Variants in DNA2 observed in about 807,000 individuals in gnomAD.
The protein encoded by DNA2 is DNA replication helicase/nuclease 2.
Under a neutral mutation model 119.1 loss-of-function variants are expected in DNA2, and 101 were observed. The ratio of observed to expected loss-of-function variants is 0.85; its 90% CI spans 0.72 to 1.00. DNA2 has a LOEUF of 1.00. Ranked by LOEUF, DNA2 falls within the 50% of genes least tolerant of loss-of-function variation. DNA2 has a pLI of 0.00. For missense variants in DNA2, 1,121 were observed against 1,255.5 expected (o/e 0.89, Z 1.62); for synonymous variants, 366 against 424.4 (o/e 0.86, Z 1.69).
intron 9 of DNA2, among the ~76,000 whole-genome samples, chr10:68,437,650 C>CAA (rs2051908290): frequency 2.8e-5 from 1 of 36,050 alleles, no homozygotes; most frequent in South Asian, 4.8e-4. Context: ...AACCACCTCT[C>CAA]AAAAACAAAA....
At position 68,436,827 on chromosome 10, in the gene DNA2, G is replaced by C. The variant is rs761448715; in HGVS notation, c.1646+184C>G. On this transcript the variant is annotated intron_variant, in intron 10 of 20. Coordinates refer to ENST00000358410, the MANE Select transcript of DNA2 (RefSeq NM_001080449.3). ...TGAAAAGTGACTACTAAAGGGTATA[G>C]GGCTTCTTCCTTGGGAGTTTCTTTT... 172 of 550,378 alleles carry C rather than the reference G, an allele frequency of 3.1e-4. 1 individual carries two copies. The highest frequency in any genetic ancestry group is 5.0e-4 in the Non-Finnish European group (159 of 317,736). The allele number at this position is 550,378 out of a possible 1,614,324, so 34.1% of individuals were successfully genotyped here. A position where few individuals can be genotyped will look rare whatever the true frequency, so the allele number is the denominator to read the frequency against.
chr10:68,447,952 C>G (rs1468785548), intron 6 of DNA2, among the ~76,000 whole-genome samples: 1 of 147,234 alleles, frequency 6.8e-6, no homozygotes, highest in African/African-American at 2.5e-5. Context: ...CCACTGCACT[C>G]TAGCCTGGGT....
Position 68,422,865 on chromosome 10 carries a change from C to A in DNA2, c.2234G>T (p.Gly745Val). 1 of 1,591,200 alleles carries A rather than the reference C, an allele frequency of 6.3e-7. No homozygotes were observed. The highest frequency in any genetic ancestry group is 8.5e-7 in the Non-Finnish European group (1 of 1,173,050). ...SQLIVATTCM[G>V]INHPIFSRKI... ...ACGGGAAAATATTGGATGGTTTATT[C>A]CCATACATGTTGTTGCAACTATAAG... The change falls in exon 15 of 21, where the codon GGA (glycine) becomes GTA (valine). Residue 745 changes from glycine (G) to valine (V), a missense_variant. Gly to Val is a moderately radical substitution (Grantham distance 109). Coordinates refer to ENST00000358410, the MANE Select transcript of DNA2 (RefSeq NM_001080449.3).
intron 4 of DNA2, among the ~76,000 whole-genome samples, chr10:68,460,718 A>C (rs77556179): frequency 0.024 from 3,707 of 152,042 alleles, 141 homozygotes; most frequent in African/African-American, 0.085. Context: ...TAACACGGTA[A>C]TTTTTATGTG....
intron 19 of DNA2, among the ~76,000 whole-genome samples, chr10:68,417,652 C>CAAAA (rs575627007): frequency 8.8e-6 from 1 of 113,564 alleles, no homozygotes; most frequent in Non-Finnish European, 1.8e-5. Context: ...GATCTCATCT[C>CAAAA]AAAAAAAAAA....
intron 4 of DNA2, among the ~76,000 whole-genome samples, chr10:68,462,911 C>T (rs2052277683): frequency 6.7e-6 from 1 of 150,130 alleles, no homozygotes; most frequent in African/African-American, 2.5e-5. Context: ...GGTGGATCAC[C>T]TGAGGTCAGG....
At position 68,446,400 on chromosome 10, in the gene DNA2, G is replaced by T. The variant is rs1280326751; in HGVS notation, c.953C>A (p.Thr318Asn). ...AGCTCTTCTCTCTTGGCTTAGTAGA[G>T]TGTACAGAACAACCTGTGCAAACAT... is the stretch of plus-strand genomic sequence containing the variant. Reference protein sequence around the residue: ...IEHRSQVVLYTLLSQERRADP... With the variant: ...IEHRSQVVLYNLLSQERRADP... Residue 318 changes from threonine (T) to asparagine (N), a missense_variant, in exon 7 of 21, where the codon ACT becomes AAT. Thr to Asn is a moderately conservative substitution (Grantham distance 65, BLOSUM62 0). Transcript: ENST00000358410. 2 of 1,585,692 alleles carry T rather than the reference G, an allele frequency of 1.3e-6. No homozygotes were observed. The highest frequency in any genetic ancestry group is 4.5e-5 in the East Asian group (2 of 44,102).
rs1044448060 is a variant in DNA2 at position 68,419,913 on chromosome 10, C to T, written c.2698-21G>A. ...GGAACCTAAGTGGAAAAATATACAG[C>T]CTGCTGATAATACAATCTCTAAAGA... On this transcript the variant is annotated intron_variant, in intron 17 of 20. Coordinates refer to ENST00000358410, the MANE Select transcript of DNA2 (RefSeq NM_001080449.3). 23 of 1,599,588 alleles carry T rather than the reference C, an allele frequency of 1.4e-5. No homozygotes were observed. The African/African-American group carries it at 2.5e-4, about 18-fold the overall frequency.
Position 68,443,095 on chromosome 10 carries a change from T to C in DNA2, c.1237A>G (p.Met413Val), listed in dbSNP as rs1397485120. 17 of 1,569,904 alleles carry C rather than the reference T, an allele frequency of 1.1e-5. No homozygotes were observed. Among genetic ancestry groups the C allele is most frequent in the Non-Finnish European group, 1.4e-5 (16 of 1,156,706 alleles). The change falls in exon 9 of 21, where the codon ATG (methionine) becomes GTG (valine). Residue 413 changes from methionine (M) to valine (V), a missense_variant. Met to Val is a conservative substitution (Grantham distance 21). Transcript: ENST00000358410. ...ACAATTGGGACTGAACTACAATCCA[T>C]CTGTTGTTCAACTGCTCTAAATATA... ...ALYSRAVEQQMDCSSVPIVML... is the reference protein window; with the variant it reads ...ALYSRAVEQQVDCSSVPIVML...
At chr10:68,440,270 G>A (rs1214254215) in intron 9 of DNA2, among the ~76,000 whole-genome samples, 1 of 152,144 alleles carries the variant, frequency 6.6e-6, no homozygotes, top group African/African-American at 2.4e-5. Flanking sequence ...TCCAGCCTGG[G>A]TAACAGAGTA....
intron 14 of DNA2, among the ~76,000 whole-genome samples, chr10:68,428,663 G>A (rs968442424): frequency 6.6e-6 from 1 of 152,128 alleles, no homozygotes; most frequent in Admixed American, 6.6e-5. Flanking sequence ...CTATTAATAC[G>A]TACAACTATC....
rs751092529 is a variant in DNA2 at position 68,422,841 on chromosome 10, C to T, written c.2258G>A (p.Arg753His). The T allele has an allele frequency of 3.8e-5, 61 of 1,608,322 alleles. 1 individual carries two copies. The highest frequency in any genetic ancestry group is 3.2e-4 in the South Asian group (29 of 89,508). ...CMGINHPIFS[R>H]KIFDFCIVDE... ...CACAATACAAAAATCAAAAATTTTA[C>T]GGGAAAATATTGGATGGTTTATTCC... The change falls in exon 15 of 21, where the codon CGT (arginine) becomes CAT (histidine). Residue 753 changes from arginine to histidine, a missense_variant. Coordinates refer to ENST00000358410, the MANE Select transcript of DNA2 (RefSeq NM_001080449.3).
In DNA2 at chr10:68,450,248, CT is replaced by C; in HGVS notation, c.720-2del. ...ATTATCCTTACTATTATCACTTGGC[CT>C]GAAAAAAAAAAAAGCACAAAAACAC... On this transcript the variant is annotated splice_acceptor_variant, in intron 5 of 20. Transcript: ENST00000358410. LOFTEE classifies it high-confidence loss of function. 1 of 1,549,376 alleles carries C rather than the reference CT, an allele frequency of 6.5e-7. No homozygotes were observed. The highest frequency in any genetic ancestry group is 8.7e-7 in the Non-Finnish European group (1 of 1,146,772).
chr10:68,468,601 C>CA (rs1310513076), intron 2 of DNA2, among the ~76,000 whole-genome samples: 1 of 152,116 alleles, frequency 6.6e-6, no homozygotes, highest in Non-Finnish European at 1.5e-5. Flanking sequence ...CAAAAGCTAT[C>CA]AAAAAACCTT....
At chr10:68,427,261 G>A (rs1314359047) in intron 14 of DNA2, among the ~76,000 whole-genome samples, 1 of 151,954 alleles carries the variant, frequency 6.6e-6, no homozygotes, top group Admixed American at 6.6e-5. Context: ...GGGAGGCTGA[G>A]GCAGGAGAAT....
At chr10:68,451,838 G>A (rs573504109) in intron 5 of DNA2, among the ~76,000 whole-genome samples, 13 of 150,556 alleles carry the variant, frequency 8.6e-5, no homozygotes, top group African/African-American at 2.9e-4. Context: ...TGATCCACCT[G>A]CTTTGGCCTC....
At chr10:68,463,915 T>TTAGCAATGC (rs2052293697) in intron 4 of DNA2, among the ~76,000 whole-genome samples, 1 of 152,070 alleles carries the variant, frequency 6.6e-6, no homozygotes, top group African/African-American at 2.4e-5. Context: ...GAAGACAAAA[T>TTAGCAATGC]TAGCAATGCT....
At chr10:68,445,332 C>T (rs900397614) in intron 7 of DNA2, among the ~76,000 whole-genome samples, 2 of 151,944 alleles carry the variant, frequency 1.3e-5, no homozygotes, top group East Asian at 1.9e-4. Context: ...GGATTGGTGG[C>T]GCATGACTGT....
intron 9 of DNA2, among the ~76,000 whole-genome samples, chr10:68,441,503 C>G (rs1053496699): frequency 6.6e-6 from 1 of 151,998 alleles, no homozygotes; most frequent in Non-Finnish European, 1.5e-5. Context: ...TTAGACCAGG[C>G]AAGGTGGCTC....
Sources: gnomAD v4.1 joint callset for allele counts (sites outside exome capture counted in the v4.1 genomes callset) on GRCh38, gnomAD v4.1.1 for gene constraint, MANE v1.5 for transcripts, NCBI Gene and HGNC (gene_info 2026-07-23, HGNC 2026-07-21) for gene names.